Variants in SLC4A3 observed in about 807,000 individuals in gnomAD.
The protein encoded by SLC4A3 is anion exchange protein 3.
A neutral mutation model predicts 114.2 loss-of-function variants in SLC4A3; 47 were observed. The observed-to-expected ratio is 0.41, with a 90% CI of 0.33 to 0.52. The LOEUF is 0.52. Ranked by LOEUF, SLC4A3 falls within the 20% of genes least tolerant of loss-of-function variation. The pLI, the probability that SLC4A3 is intolerant of heterozygous loss-of-function variation, is 0.21. For missense variants in SLC4A3, 1,312 were observed against 1,668.3 expected (o/e 0.79, Z 3.72); for synonymous variants, 693 against 710.3 (o/e 0.98, Z 0.39).
chr2:219,629,887 G>T lies in SLC4A3; in HGVS notation c.611+192G>T, dbSNP rs539849010. ...TTTACAAGGAGGAGAGAACAAGGGGGGGGGGAGAAAAACAGAGAAGAGCAG... is the reference window on the plus strand; with the variant it reads ...TTTACAAGGAGGAGAGAACAAGGGGTGGGGGAGAAAAACAGAGAAGAGCAG... On this transcript the variant is annotated intron_variant, in intron 5 of 22. Coordinates refer to ENST00000358055, the MANE Select transcript of SLC4A3 (RefSeq NM_005070.4). 9.6e-3 allele frequency among the ~76,000 whole-genome samples: 1,399 copies of T among 145,030 alleles called. 19 individuals carry two copies. The highest frequency in any genetic ancestry group is 0.032 in the African/African-American group (1,255 of 39,636).
At chr2:219,640,297 C>T (rs1422575625) in intron 20 of SLC4A3, 133 bp from the exon 21 acceptor site, 17 of 748,120 alleles carry the variant, frequency 2.3e-5, no homozygotes, top group South Asian at 1.9e-4. Context: ...GGGTCCATGT[C>T]GCCTCCCCCC....
chr2:219,630,453 A>C lies in SLC4A3; in HGVS notation c.811+101A>C. On this transcript the variant is annotated intron_variant, in intron 6 of 22. Transcript: ENST00000358055. The surrounding 1 kb of genome is among the most constrained non-coding windows in gnomAD (Gnocchi z 6.9). ...CTGAGCTGTCCCCTGCTAAGGGCTG[A>C]GTCCTCTCTGAATCCCTGTCTGCTG... The C allele has an allele frequency of 8.0e-7, 1 of 1,253,194 alleles. No homozygotes were observed. The allele number at this position is 1,253,194 out of a possible 1,614,324, so 77.6% of individuals were successfully genotyped here.
In SLC4A3 at chr2:219,632,092, A is replaced by C; in HGVS notation, c.936A>C (p.Lys312Asn). The change falls in exon 7 of 23, where the codon AAA (lysine) becomes AAC (asparagine). Residue 312 changes from lysine (K) to asparagine (N), a missense_variant. Coordinates refer to ENST00000358055, the MANE Select transcript of SLC4A3 (RefSeq NM_005070.4). The stretch of plus-strand genomic sequence containing the variant: ...TCCTTCGCAGGAAGAAGAAGAAGAA[A>C]AAGCTGGACCGGAGGCCTCATGAGG... ...APILRRKKKK[K>N]KLDRRPHEVF... 6.2e-7 allele frequency: 1 copy of C among 1,613,636 alleles called. No homozygotes were observed. Among genetic ancestry groups the C allele is most frequent in the Non-Finnish European group, 8.5e-7 (1 of 1,179,948 alleles).
chr2:219,630,608 A>G lies in SLC4A3; in HGVS notation c.811+256A>G, dbSNP rs1698884105. On this transcript the variant is annotated intron_variant, in intron 6 of 22. Coordinates refer to ENST00000358055, the MANE Select transcript of SLC4A3 (RefSeq NM_005070.4). The surrounding 1 kb of genome is among the most constrained non-coding windows in gnomAD (Gnocchi z 6.9). ...TGTCCTCTGAGTCACCCCTAGAAAA[A>G]GGCAGCTCTCTTTTTCACATTACTG... Among the ~76,000 whole-genome samples the G allele has an allele frequency of 6.6e-6, 1 of 151,954 alleles. No homozygotes were observed. The highest frequency in any genetic ancestry group is 6.5e-5 in the Admixed American group (1 of 15,268).
At chr2:219,629,541 G>A (rs1221755012) in intron 4 of SLC4A3, 39 bp from the exon 5 acceptor site, 1 of 1,589,562 alleles carries the variant, frequency 6.3e-7, no homozygotes, top group African/African-American at 1.3e-5. Context: ...CTGTATGGTA[G>A]GTCGGGGCAA....
chr2:219,641,593 G>A lies in SLC4A3; in HGVS notation c.3622-58G>A. 7.2e-7 allele frequency: 1 copy of A among 1,382,728 alleles called. No homozygotes were observed. The highest frequency in any genetic ancestry group is 1.0e-6 in the Non-Finnish European group (1 of 970,980). 85.7% of individuals were successfully genotyped at this position (1,382,728 alleles called of 1,614,324 possible). A position where few individuals can be genotyped will look rare whatever the true frequency, so the allele number is the denominator to read the frequency against. ...GCTGCAGGTTGGAGGAGGAGCTGGA[G>A]AATGGGAGGGGACGAGCATGCTTCC... is the stretch of plus-strand genomic sequence containing the variant. On this transcript the variant is annotated intron_variant, in intron 22 of 22. Coordinates refer to ENST00000358055, the MANE Select transcript of SLC4A3 (RefSeq NM_005070.4). This position sits in a 1 kb window ranked among gnomAD's most constrained non-coding sequence, Gnocchi z 4.0.
In SLC4A3 at chr2:219,632,280, G is replaced by A; in HGVS notation, c.979G>A (p.Glu327Lys). The A allele has an allele frequency of 6.2e-7, 1 of 1,614,040 alleles. No homozygotes were observed. Among genetic ancestry groups the A allele is most frequent in the Non-Finnish European group, 8.5e-7 (1 of 1,180,012 alleles). ...RPHEVFVELN[E>K]LMLDRSQEPH... is the part of the protein sequence containing the mutation. The stretch of plus-strand genomic sequence containing the variant: ...CCCCCAGGTGTTCGTGGAGCTGAAC[G>A]AGCTGATGCTGGACCGCAGCCAGGA... The change falls in exon 8 of 23, where the codon GAG (glutamate) becomes AAG (lysine). Residue 327 changes from glutamate (E) to lysine (K), a missense_variant. Glu to Lys is a moderately conservative substitution (Grantham distance 56). This residue lies in a region of SLC4A3 where 771 missense variants were observed against 977.7 expected (regional missense o/e 0.79). Transcript: ENST00000358055.
At position 219,634,399 on chromosome 2, in the gene SLC4A3, T is replaced by A. The variant is rs781622831; in HGVS notation, c.1562-21T>A. ...GACTGCTTCTCTTTGCCCAGCGCCCTGTGCTTTCCTCTTCCCCTAGGTTGT... is the reference window on the plus strand; with the variant it reads ...GACTGCTTCTCTTTGCCCAGCGCCCAGTGCTTTCCTCTTCCCCTAGGTTGT... On this transcript the variant is annotated intron_variant, in intron 11 of 22. Transcript: ENST00000358055. The A allele has an allele frequency of 3.7e-6, 6 of 1,612,660 alleles. No individual in the cohort carries two copies. The African/African-American group carries it at 8.0e-5, about 22-fold the overall frequency.
In SLC4A3 at chr2:219,628,682, ACTGTGCTGGACT is replaced by A. The variant is rs1388840317; in HGVS notation, c.217+122_217+133del. The A allele has an allele frequency of 1.2e-5, 13 of 1,060,108 alleles. No homozygotes were observed. The highest frequency in any genetic ancestry group is 1.8e-5 in the Non-Finnish European group (13 of 722,034). The allele number at this position is 1,060,108 out of a possible 1,614,324, so 65.7% of individuals were successfully genotyped here. ...CACCCAGTGCCATCCTGTGCCGGACACTGTGCTGGACTCTGTGCTGGGCCACATGCCGTGTTC... is the reference window on the plus strand; with the variant it reads ...CACCCAGTGCCATCCTGTGCCGGACACTGTGCTGGGCCACATGCCGTGTTC... On this transcript the variant is annotated intron_variant, in intron 3 of 22. Transcript: ENST00000358055. The surrounding 1 kb of genome is among the most constrained non-coding windows in gnomAD (Gnocchi z 4.8).
At position 219,628,815 on chromosome 2, in the gene SLC4A3, C is replaced by A; in HGVS notation, c.217+245C>A. 1.7e-6 allele frequency: 1 copy of A among 591,588 alleles called. No individual in the cohort carries two copies. The highest frequency in any genetic ancestry group is 2.9e-6 in the Non-Finnish European group (1 of 340,534). The allele number at this position is 591,588 out of a possible 1,614,324, so 36.6% of individuals were successfully genotyped here. ...CTAGGGAGCTGGGCCTGGGCCCTTCCACGGTGACCTTCCCCTTCCCCTTCG... is the reference window on the plus strand; with the variant it reads ...CTAGGGAGCTGGGCCTGGGCCCTTCAACGGTGACCTTCCCCTTCCCCTTCG... On this transcript the variant is annotated intron_variant, in intron 3 of 22. Coordinates refer to ENST00000358055, the MANE Select transcript of SLC4A3 (RefSeq NM_005070.4). The surrounding 1 kb of genome is among the most constrained non-coding windows in gnomAD (Gnocchi z 4.8).
rs1431340274 is a variant in SLC4A3, at chr2:219,638,147, A to G, written c.2767-17A>G. 4 of 1,600,542 alleles carry G rather than the reference A, an allele frequency of 2.5e-6. No homozygotes were observed. Among genetic ancestry groups the G allele is most frequent in the Non-Finnish European group, 2.6e-6 (3 of 1,171,224 alleles). On this transcript the variant is annotated splice_polypyrimidine_tract_variant and intron_variant, in intron 17 of 22. Coordinates refer to ENST00000358055, the MANE Select transcript of SLC4A3 (RefSeq NM_005070.4). The surrounding 1 kb of genome is among the most constrained non-coding windows in gnomAD (Gnocchi z 7.5). ...GCCTCCACCTTTTGCTCCCTTCCCC[A>G]ACTGGCCCCTCTCAAGGCTCGTCGC...
Position 219,631,008 on chromosome 2 carries a change from C to T in SLC4A3, c.811+656C>T, listed in dbSNP as rs1018690352. ...CCTGAGGACAGGGACAGGAACAATC[C>T]GATGGCAGCAGTAGCAGCAGGATGG... On this transcript the variant is annotated intron_variant, in intron 6 of 22. Coordinates refer to ENST00000358055, the MANE Select transcript of SLC4A3 (RefSeq NM_005070.4). This position sits in a 1 kb window ranked among gnomAD's most constrained non-coding sequence, Gnocchi z 6.3. 2.5e-5 allele frequency: 15 copies of T among 601,184 alleles called. No homozygotes were observed. Among genetic ancestry groups the T allele is most frequent in the African/African-American group, 6.3e-5 (3 of 47,846 alleles). The allele number at this position is 601,184 out of a possible 1,614,324, so 37.2% of individuals were successfully genotyped here. A position where few individuals can be genotyped will look rare whatever the true frequency, so the allele number is the denominator to read the frequency against.
At chr2:219,634,306 C>G in intron 11 of SLC4A3, 114 bp from the exon 12 acceptor site, 5 of 1,047,978 alleles carry the variant, frequency 4.8e-6, no homozygotes, top group Non-Finnish European at 7.1e-6. Flanking sequence ...ACTGGGGTTT[C>G]TTTGCGCAGT....
chr2:219,634,413 C>T lies in SLC4A3; in HGVS notation c.1562-7C>T. ...GCCCAGCGCCCTGTGCTTTCCTCTTCCCCTAGGTTGTGTGCCTTTCTTGGA... is the reference window on the plus strand; with the variant it reads ...GCCCAGCGCCCTGTGCTTTCCTCTTTCCCTAGGTTGTGTGCCTTTCTTGGA... On this transcript the variant is annotated splice_region_variant and splice_polypyrimidine_tract_variant and intron_variant, in intron 11 of 22. Coordinates refer to ENST00000358055, the MANE Select transcript of SLC4A3 (RefSeq NM_005070.4). 1 of 1,613,892 alleles carries T rather than the reference C, an allele frequency of 6.2e-7. No homozygotes were observed. The highest frequency in any genetic ancestry group is 8.5e-7 in the Non-Finnish European group (1 of 1,179,852).
intron 10 of SLC4A3, 140 bp from the exon 11 acceptor site, chr2:219,633,740 C>T: frequency 7.6e-7 from 1 of 1,322,790 alleles, no homozygotes; most frequent in Non-Finnish European, 1.0e-6. Flanking sequence ...TGGTGGCTCC[C>T]AGTGTGGGGC....
chr2:219,640,992 G>T, intron 22 of SLC4A3, 30 bp downstream of exon 22: 1 of 1,593,894 alleles, frequency 6.3e-7, no homozygotes, highest in South Asian at 1.1e-5. Flanking sequence ...GGGAAACAGT[G>T]TTAGGGCAAA....
chr2:219,636,677 T>A lies in SLC4A3; in HGVS notation c.2341-3T>A. The A allele has an allele frequency of 6.2e-7, 1 of 1,612,560 alleles. No individual in the cohort carries two copies. Among genetic ancestry groups the A allele is most frequent in the Non-Finnish European group, 8.5e-7 (1 of 1,179,132 alleles). ...GGTAACGACCGCTCCTACCCCCACC[T>A]AGTTCTGCCGAGCCCAGGACCTGGA... On this transcript the variant is annotated splice_region_variant and splice_polypyrimidine_tract_variant and intron_variant, in intron 15 of 22. Transcript: ENST00000358055. This position sits in a 1 kb window ranked among gnomAD's most constrained non-coding sequence, Gnocchi z 5.5.
At position 219,631,217 on chromosome 2, in the gene SLC4A3, C is replaced by G. The variant is rs549782346; in HGVS notation, c.812-751C>G. On this transcript the variant is annotated intron_variant, in intron 6 of 22. Transcript: ENST00000358055. The surrounding 1 kb of genome is among the most constrained non-coding windows in gnomAD (Gnocchi z 6.3). ...GAGGGGTCTGGTAGGGAGCGGAGGCCGAGGTCTCGGCCACCGGGAGAATGA... is the reference window on the plus strand; with the variant it reads ...GAGGGGTCTGGTAGGGAGCGGAGGCGGAGGTCTCGGCCACCGGGAGAATGA... 2 of 1,234,084 alleles carry G rather than the reference C, an allele frequency of 1.6e-6. No homozygotes were observed. Among genetic ancestry groups the G allele is most frequent in the Non-Finnish European group, 1.1e-6 (1 of 950,994 alleles). The allele number at this position is 1,234,084 out of a possible 1,614,324, so 76.4% of individuals were successfully genotyped here.
In SLC4A3 at chr2:219,634,410, C is replaced by T. The variant is rs756476181; in HGVS notation, c.1562-10C>T. On this transcript the variant is annotated splice_polypyrimidine_tract_variant and intron_variant, in intron 11 of 22. Coordinates refer to ENST00000358055, the MANE Select transcript of SLC4A3 (RefSeq NM_005070.4). ...TTTGCCCAGCGCCCTGTGCTTTCCTCTTCCCCTAGGTTGTGTGCCTTTCTT... is the reference window on the plus strand; with the variant it reads ...TTTGCCCAGCGCCCTGTGCTTTCCTTTTCCCCTAGGTTGTGTGCCTTTCTT... 6 of 1,613,520 alleles carry T rather than the reference C, an allele frequency of 3.7e-6. No homozygotes were observed. Among genetic ancestry groups the T allele is most frequent in the Non-Finnish European group, 5.1e-6 (6 of 1,179,668 alleles).
Sources: gnomAD v4.1 joint callset for allele counts (sites outside exome capture counted in the v4.1 genomes callset) on GRCh38, gnomAD v4.1.1 for gene constraint, gnomAD v4.1.1 regional missense constraint, Gnocchi (gnomAD v3.1) non-coding constraint, MANE v1.5 for transcripts, NCBI Gene and HGNC (gene_info 2026-07-23, HGNC 2026-07-21) for gene names.